LAMA3: variants seen among roughly 807,000 people sequenced by gnomAD.
The protein encoded by LAMA3 is laminin subunit alpha 3, also known as laminin subunit alpha-3.
LAMA3 carries 281 observed loss-of-function variants against 402.0 expected under a neutral mutation model. That is an observed-to-expected ratio of 0.70 (90% CI 0.63 to 0.77). The LOEUF is 0.77. Ranked by LOEUF, LAMA3 falls within the 30% of genes least tolerant of loss-of-function variation. The probability of loss-of-function intolerance (pLI) is 0.00; values close to 1 mark genes in which losing one functional copy is unlikely to be tolerated. For synonymous variants in LAMA3, 1,431 were observed against 1,558.4 expected (o/e 0.92, Z 1.93); for missense variants, 3,840 against 4,215.5 (o/e 0.91, Z 2.47).
rs2063723489 is a variant in LAMA3, at chr18:23,842,484, C to T, written c.3426C>T (p.Pro1142=). ...HFYQAAHPTF[P]AQVSVDGGWP... Reference sequence around the variant, plus strand: ...ACCAAGCAGCGCACCCGACGTTTCCCGCGCAGGTGTCGGTGGATGGCGGGT... The same window carrying T: ...ACCAAGCAGCGCACCCGACGTTTCCTGCGCAGGTGTCGGTGGATGGCGGGT... Residue 1142 remains proline (P), a synonymous_variant, in exon 28 of 75, where the codon CCC becomes CCT. Coordinates refer to ENST00000313654, the MANE Select transcript of LAMA3 (RefSeq NM_198129.4). 5 of 1,614,124 alleles carry T rather than the reference C, an allele frequency of 3.1e-6. No individual in the cohort carries two copies. The highest frequency in any genetic ancestry group is 1.7e-5 in the Admixed American group (1 of 60,014).
intron 44 of LAMA3, among the ~76,000 whole-genome samples, chr18:23,896,275 G>A (rs1390251581): frequency 6.6e-6 from 1 of 152,206 alleles, no homozygotes; most frequent in Non-Finnish European, 1.5e-5. Context: ...GGCAGAGGTT[G>A]CAGTGAGCTG....
chr18:23,852,092 C>A (rs1429689672), intron 32 of LAMA3, among the ~76,000 whole-genome samples: 1 of 152,174 alleles, frequency 6.6e-6, no homozygotes, highest in Non-Finnish European at 1.5e-5. Context: ...GACATATTAT[C>A]CCCCTTCCTT....
chr18:23,890,449 A>T (rs2079890235), intron 42 of LAMA3, among the ~76,000 whole-genome samples: 1 of 151,914 alleles, frequency 6.6e-6, no homozygotes, highest in Admixed American at 6.6e-5. Flanking sequence ...TCTCCCTTTG[A>T]TATTGTAGGG....
chr18:23,904,186 A>G, intron 50 of LAMA3, 99 bp downstream of exon 50: 1 of 1,397,642 alleles, frequency 7.2e-7, no homozygotes, highest in Non-Finnish European at 1.0e-6. Context: ...CTGGGTCTCC[A>G]GAACTGGGTG....
At chr18:23,813,199 A>G in intron 14 of LAMA3, 96 bp downstream of exon 14, 2 of 850,948 alleles carry the variant, frequency 2.4e-6, no homozygotes, top group South Asian at 2.8e-5. Context: ...AAATTAAAAT[A>G]AGACCCAAGG....
At chr18:23,929,543 C>A (rs913154259) in intron 64 of LAMA3, among the ~76,000 whole-genome samples, 3 of 151,206 alleles carry the variant, frequency 2.0e-5, no homozygotes, top group African/African-American at 4.9e-5. Flanking sequence ...TGGTGGCTGA[C>A]TCTGTGGCTC....
intron 7 of LAMA3, among the ~76,000 whole-genome samples, chr18:23,761,539 G>T (rs1049828398): frequency 2.0e-5 from 3 of 152,204 alleles, no homozygotes; most frequent in Non-Finnish European, 1.5e-5. Context: ...CTATAGGGAT[G>T]ATGGTACCTA....
chr18:23,730,886 A>C lies in LAMA3; in HGVS notation c.447+16814A>C, dbSNP rs536708296. 3.9e-5 allele frequency among the ~76,000 whole-genome samples: 6 copies of C among 152,240 alleles called. 1 individual carries two copies. The South Asian group carries it at 1.2e-3, about 32-fold the overall frequency. On this transcript the variant is annotated intron_variant, in intron 2 of 74. Transcript: ENST00000313654. The stretch of plus-strand genomic sequence containing the variant: ...TGTTTTACATTGTTAAATATTTCTG[A>C]GTCATGTTGAGAAGTATAGTGCAAT...
chr18:23,744,558 A>G (rs1390936116), intron 2 of LAMA3, among the ~76,000 whole-genome samples: 2 of 152,076 alleles, frequency 1.3e-5, no homozygotes, highest in African/African-American at 4.8e-5. Flanking sequence ...CTGGCCGGGC[A>G]CGGTGGCTCA....
chr18:23,803,224 T>A lies in LAMA3; in HGVS notation c.1604-7142T>A, dbSNP rs574872773. Among the ~76,000 whole-genome samples the A allele has an allele frequency of 1.6e-4, 24 of 152,290 alleles. No individual in the cohort carries two copies. In the South Asian group the frequency reaches 5.0e-3, roughly 32 times the overall value. On this transcript the variant is annotated intron_variant, in intron 12 of 74. Transcript: ENST00000313654. Reference sequence around the variant, plus strand: ...ACTTCCCCTTCCATGATAGGACAGTTCAAAGTAATTAACCTGCCACCAGGT... The same window carrying A: ...ACTTCCCCTTCCATGATAGGACAGTACAAAGTAATTAACCTGCCACCAGGT...
intron 7 of LAMA3, among the ~76,000 whole-genome samples, chr18:23,759,473 G>T (rs2061924833): frequency 6.6e-6 from 1 of 152,052 alleles, no homozygotes; most frequent in African/African-American, 2.4e-5. Context: ...TTCATTCACT[G>T]CAACCTCTGC....
At chr18:23,691,120 G>A (rs993797298) in intron 1 of LAMA3, among the ~76,000 whole-genome samples, 1 of 151,958 alleles carries the variant, frequency 6.6e-6, no homozygotes. Flanking sequence ...AAGAGGGAGC[G>A]ATTTTGGAGC....
intron 52 of LAMA3, 66 bp downstream of exon 52, chr18:23,905,690 G>A: frequency 1.1e-6 from 1 of 873,844 alleles, no homozygotes; most frequent in Non-Finnish European, 1.9e-6. Context: ...GGACCAGGTG[G>A]GGCAGCCCTA....
Position 23,950,111 on chromosome 18 carries a change from CG to C in LAMA3, c.9596del (p.Gly3199GlufsTer50), listed in dbSNP as rs766553868. Reference protein sequence around the residue: ...RSLTGILIHIGSQPGKHLCVY... With the variant: ...RSLTGILIHIXSQPGKHLCVY... Reference sequence around the variant, plus strand: ...GTCTCACTGGGATCCTAATACACATCGGAAGTCAGCCCGGGAAGCACTTATG... The same window carrying C: ...GTCTCACTGGGATCCTAATACACATCGAAGTCAGCCCGGGAAGCACTTATG... On this transcript the variant is annotated frameshift_variant, in exon 72 of 75. Coordinates refer to ENST00000313654, the MANE Select transcript of LAMA3 (RefSeq NM_198129.4). LOFTEE classifies it high-confidence loss of function. 6.2e-7 allele frequency: 1 copy of C among 1,614,054 alleles called. No individual in the cohort carries two copies. The highest frequency in any genetic ancestry group is 8.5e-7 in the Non-Finnish European group (1 of 1,180,022).
rs181573742 is a variant in LAMA3, at chr18:23,809,721, G to A, written c.1604-645G>A. 1.1e-3 allele frequency among the ~76,000 whole-genome samples: 170 copies of A among 152,308 alleles called. 1 individual carries two copies. The highest frequency in any genetic ancestry group is 6.8e-3 in the Middle Eastern group (2 of 294). ...CATGGTAACAGCTTGGGGGAGGGAG[G>A]AAACTAGGATGCCTTTCCCATCCTT... is the stretch of plus-strand genomic sequence containing the variant. On this transcript the variant is annotated intron_variant, in intron 12 of 74. Transcript: ENST00000313654.
chr18:23,814,861 C>T (rs2063144828), intron 15 of LAMA3, among the ~76,000 whole-genome samples: 1 of 152,182 alleles, frequency 6.6e-6, no homozygotes, highest in African/African-American at 2.4e-5. Flanking sequence ...TACTGAATAA[C>T]CTTGAATAGA....
Position 23,954,798 on chromosome 18 carries a change from C to T in LAMA3, c.*150C>T, listed in dbSNP as rs2083056884. ...TAATTTTGAATTCTGACCATGGATACCCATCACTTTGGCATTCAGTGCTAC... is the reference window on the plus strand; with the variant it reads ...TAATTTTGAATTCTGACCATGGATATCCATCACTTTGGCATTCAGTGCTAC... On this transcript the variant is annotated 3_prime_UTR_variant, in exon 75 of 75. Transcript: ENST00000313654. The T allele has an allele frequency of 1.3e-6, 1 of 799,938 alleles. No homozygotes were observed. The highest frequency in any genetic ancestry group is 2.1e-6 in the Non-Finnish European group (1 of 467,764). 49.6% of individuals were successfully genotyped at this position (799,938 alleles called of 1,614,324 possible).
intron 3 of LAMA3, among the ~76,000 whole-genome samples, chr18:23,748,457 A>G (rs1444403704): frequency 6.6e-6 from 1 of 151,140 alleles, no homozygotes; most frequent in Non-Finnish European, 1.5e-5. Flanking sequence ...TTAATCTCTC[A>G]GTATGACTAG....
At chr18:23,826,240 A>T (rs1280471426) in intron 21 of LAMA3, among the ~76,000 whole-genome samples, 5 of 152,198 alleles carry the variant, frequency 3.3e-5, no homozygotes, top group Non-Finnish European at 7.3e-5. Context: ...GCAGTAGGCC[A>T]GTTCCATTCT....
Sources: gnomAD v4.1 joint callset for allele counts (sites outside exome capture counted in the v4.1 genomes callset) on GRCh38, gnomAD v4.1.1 for gene constraint, MANE v1.5 for transcripts, NCBI Gene and HGNC (gene_info 2026-07-23, HGNC 2026-07-21) for gene names.